Variants in MYT1L observed in about 807,000 individuals in gnomAD.
The protein encoded by MYT1L is myelin transcription factor 1 like.
A neutral mutation model predicts 126.7 loss-of-function variants in MYT1L; 12 were observed. The observed-to-expected ratio is 0.09, with a 90% CI of 0.06 to 0.15. MYT1L has a LOEUF of 0.15. MYT1L is among the 10% of genes least tolerant of loss of function. The pLI, the probability that MYT1L is intolerant of heterozygous loss-of-function variation, is 1.00. For missense variants in MYT1L, 979 were observed against 1,585.2 expected, an observed-to-expected ratio of 0.62 and a Z score of 6.49; for synonymous variants, 541 against 604.2, an observed-to-expected ratio of 0.90 and a Z score of 1.53.
At chr2:2,155,880 T>C (rs1259545053) in intron 3 of MYT1L, among the ~76,000 whole-genome samples, 2 of 152,134 alleles carry the variant, frequency 1.3e-5, no homozygotes, top group African/African-American at 4.8e-5. Flanking sequence ...AAAACCATGT[T>C]CCATGATTTG....
chr2:2,219,361 G>C (rs1018889366), intron 2 of MYT1L, among the ~76,000 whole-genome samples: 1 of 152,180 alleles, frequency 6.6e-6, no homozygotes, highest in Non-Finnish European at 1.5e-5. Context: ...ACTGCCTCCA[G>C]CTGTAAAAAG....
chr2:2,100,488 G>A (rs1035847745), intron 3 of MYT1L, among the ~76,000 whole-genome samples: 1 of 152,134 alleles, frequency 6.6e-6, no homozygotes, highest in African/African-American at 2.4e-5. Context: ...CTGTGGGTAG[G>A]AGGAGGCGAT....
chr2:2,260,675 T>C (rs1365979029), intron 2 of MYT1L, among the ~76,000 whole-genome samples: 1 of 152,318 alleles, frequency 6.6e-6, no homozygotes, highest in East Asian at 1.9e-4. Flanking sequence ...TTTGTTATAT[T>C]ATACTGAGAC....
At chr2:2,186,817 T>TC (rs1201418703) in intron 2 of MYT1L, among the ~76,000 whole-genome samples, 1 of 152,228 alleles carries the variant, frequency 6.6e-6, no homozygotes, top group Non-Finnish European at 1.5e-5. Flanking sequence ...CATTATAAAT[T>TC]AACATGAGTG....
intron 5 of MYT1L, among the ~76,000 whole-genome samples, chr2:1,990,074 CA>C (rs1185399032): frequency 2.0e-5 from 3 of 152,174 alleles, no homozygotes; most frequent in Admixed American, 6.5e-5. Flanking sequence ...CTTTTTCACA[CA>C]AGTATAGTAT....
At chr2:2,006,942 C>A (rs2063387573) in intron 4 of MYT1L, among the ~76,000 whole-genome samples, 1 of 151,702 alleles carries the variant, frequency 6.6e-6, no homozygotes, top group Admixed American at 6.6e-5. Context: ...TTTCTTTCTG[C>A]ATCTGACTTA....
At chr2:2,158,122 A>G (rs1290948756) in intron 3 of MYT1L, among the ~76,000 whole-genome samples, 12 of 152,012 alleles carry the variant, frequency 7.9e-5, no homozygotes. Flanking sequence ...GTCCACAATC[A>G]CACAGCCTTG....
At chr2:2,304,176 T>A (rs2149547860) in intron 1 of MYT1L, among the ~76,000 whole-genome samples, 1 of 152,332 alleles carries the variant, frequency 6.6e-6, no homozygotes, top group South Asian at 2.1e-4. Flanking sequence ...TAAACAAGTA[T>A]CTACAGATCA....
chr2:2,244,158 AC>A (rs1389335387), intron 2 of MYT1L, among the ~76,000 whole-genome samples: 1 of 152,128 alleles, frequency 6.6e-6, no homozygotes, highest in Non-Finnish European at 1.5e-5. Context: ...AACTACACAC[AC>A]CTGCTTTTAT....
chr2:2,221,872 G>C (rs1293072162), intron 2 of MYT1L, among the ~76,000 whole-genome samples: 2 of 152,158 alleles, frequency 1.3e-5, no homozygotes, highest in African/African-American at 4.8e-5. Flanking sequence ...CAAATTATTA[G>C]GTCCAGTCAC....
intron 3 of MYT1L, among the ~76,000 whole-genome samples, chr2:2,054,667 C>T (rs1463241107): frequency 6.6e-6 from 1 of 151,118 alleles, no homozygotes; most frequent in Admixed American, 6.6e-5. Flanking sequence ...AGATGAGGTG[C>T]ATGGAGGTGA....
At position 2,216,697 on chromosome 2, in the gene MYT1L, A is replaced by T. The variant is rs187928926; in HGVS notation, c.-420-43709T>A. Reference sequence around the variant, plus strand: ...AAATCTGTGAAATAAAAAACAGAAAACAATAGAGAAAAATCAACAAAGTCA... The same window carrying T: ...AAATCTGTGAAATAAAAAACAGAAATCAATAGAGAAAAATCAACAAAGTCA... On this transcript the variant is annotated intron_variant, in intron 2 of 24. Coordinates refer to ENST00000647738, the MANE Select transcript of MYT1L (RefSeq NM_001303052.2). Among the ~76,000 whole-genome samples the T allele has an allele frequency of 3.8e-3, 582 of 152,294 alleles. 5 individuals are homozygous for T. Among genetic ancestry groups the T allele is most frequent in the Non-Finnish European group, 5.8e-3 (393 of 68,030 alleles).
In MYT1L at chr2:1,892,407, G is replaced by A. The variant is rs1272144405; in HGVS notation, c.2033-120C>T. 8 of 1,350,314 alleles carry A rather than the reference G, an allele frequency of 5.9e-6. 1 individual carries two copies. Among genetic ancestry groups the A allele is most frequent in the South Asian group, 3.1e-5 (2 of 65,094 alleles). The allele number at this position is 1,350,314 out of a possible 1,614,324, so 83.6% of individuals were successfully genotyped here. On this transcript the variant is annotated intron_variant, in intron 14 of 24. Coordinates refer to ENST00000647738, the MANE Select transcript of MYT1L (RefSeq NM_001303052.2). The stretch of plus-strand genomic sequence containing the variant: ...ACACAGCCGCGTGGGACGGCCCTCA[G>A]GGTGCTGGGGCTTACGCGTAAAGAA...
At chr2:1,898,337 C>T (rs962927810) in intron 14 of MYT1L, among the ~76,000 whole-genome samples, 24 of 152,234 alleles carry the variant, frequency 1.6e-4, no homozygotes, top group Admixed American at 6.5e-4. Context: ...TCTTTACACA[C>T]GTCCAACTAG....
At chr2:2,225,198 C>T (rs1478219034) in intron 2 of MYT1L, among the ~76,000 whole-genome samples, 7 of 151,972 alleles carry the variant, frequency 4.6e-5, no homozygotes, top group African/African-American at 1.7e-4. Flanking sequence ...TCTGTTCCTG[C>T]CTTAATCCTC....
At chr2:2,179,586 C>T (rs67251186) in intron 2 of MYT1L, among the ~76,000 whole-genome samples, 57,308 of 152,074 alleles carry the variant, frequency 0.38, 11,359 homozygotes, top group African/African-American at 0.5. Context: ...CACACAAACA[C>T]GTAAAGGAGG....
chr2:1,828,854 G>T (rs774692028), intron 21 of MYT1L, among the ~76,000 whole-genome samples: 1 of 152,162 alleles, frequency 6.6e-6, no homozygotes, highest in African/African-American at 2.4e-5. Flanking sequence ...CCTAGGGAAG[G>T]ACTTTAAAAA....
In MYT1L at chr2:2,021,066, G is replaced by C. The variant is rs897767454; in HGVS notation, c.-157-23719C>G. On this transcript the variant is annotated intron_variant, in intron 4 of 24. Coordinates refer to ENST00000647738, the MANE Select transcript of MYT1L (RefSeq NM_001303052.2). ...GGCAGACACCTGAGAAGAGAACCAC[G>C]GGCAACGCTGGCTGGACGGTCTCCC... Among the ~76,000 whole-genome samples, 3 of 152,304 alleles carry C rather than the reference G, an allele frequency of 2.0e-5. No homozygotes were observed. In the East Asian group the frequency reaches 5.8e-4, roughly 29 times the overall value.
chr2:2,028,663 A>G (rs142607999), intron 4 of MYT1L, among the ~76,000 whole-genome samples: 43 of 152,312 alleles, frequency 2.8e-4, no homozygotes, highest in Middle Eastern at 6.8e-3. Context: ...TAAGATAAAG[A>G]TCAGACTTAG....
Sources: gnomAD v4.1 joint callset for allele counts (sites outside exome capture counted in the v4.1 genomes callset) on GRCh38, gnomAD v4.1.1 for gene constraint, MANE v1.5 for transcripts, NCBI Gene and HGNC (gene_info 2026-07-23, HGNC 2026-07-21) for gene names.